SLC24A3: variants seen among roughly 807,000 people sequenced by gnomAD.
SLC24A3 encodes sodium/potassium/calcium exchanger 3.
SLC24A3 carries 28 observed loss-of-function variants against 75.8 expected under a neutral mutation model. The observed-to-expected ratio is 0.37, with a 90% CI of 0.27 to 0.51. The LOEUF is 0.51. SLC24A3 is among the 20% of genes least tolerant of loss of function. The pLI, the probability that SLC24A3 is intolerant of heterozygous loss-of-function variation, is 0.94. For missense variants in SLC24A3, 663 were observed against 847.8 expected (o/e 0.78, Z 2.71); for synonymous variants, 372 against 334.1 (o/e 1.11, Z -1.24).
chr20:19,539,497 C>A (rs764804093), intron 3 of SLC24A3, among the ~76,000 whole-genome samples: 3 of 152,164 alleles, frequency 2.0e-5, no homozygotes, highest in Admixed American at 1.3e-4. Flanking sequence ...AACATCTGCC[C>A]TCATAACACT....
chr20:19,322,935 G>C (rs1306574898), intron 2 of SLC24A3, among the ~76,000 whole-genome samples: 1 of 152,112 alleles, frequency 6.6e-6, no homozygotes, highest in Non-Finnish European at 1.5e-5. Flanking sequence ...GGCCGGGCGC[G>C]GTGGCTCACG....
intron 2 of SLC24A3, among the ~76,000 whole-genome samples, chr20:19,303,502 T>C (rs1984247943): frequency 6.6e-6 from 1 of 152,204 alleles, no homozygotes; most frequent in Non-Finnish European, 1.5e-5. Context: ...GGTAGAATGA[T>C]TTATGTTCCT....
At chr20:19,311,870 G>T (rs1178819020) in intron 2 of SLC24A3, among the ~76,000 whole-genome samples, 2 of 152,096 alleles carry the variant, frequency 1.3e-5, no homozygotes, top group East Asian at 3.9e-4. Flanking sequence ...TCTCCTGATG[G>T]GATCGAGGCC....
At chr20:19,565,892 T>C (rs528669968) in intron 3 of SLC24A3, among the ~76,000 whole-genome samples, 1 of 152,274 alleles carries the variant, frequency 6.6e-6, no homozygotes, top group African/African-American at 2.4e-5. Flanking sequence ...GCATCTTTCT[T>C]ATTTCCTCCA....
intron 3 of SLC24A3, among the ~76,000 whole-genome samples, chr20:19,533,806 T>C (rs1402656241): frequency 6.6e-6 from 1 of 152,186 alleles, no homozygotes; most frequent in African/African-American, 2.4e-5. Flanking sequence ...TATCTATATC[T>C]TGGAAAGATT....
At chr20:19,534,624 G>T (rs1267263965) in intron 3 of SLC24A3, among the ~76,000 whole-genome samples, 1 of 152,122 alleles carries the variant, frequency 6.6e-6, no homozygotes, top group Admixed American at 6.5e-5. Context: ...TGTTGGTCAG[G>T]CTGGTCTCAA....
intron 15 of SLC24A3, among the ~76,000 whole-genome samples, chr20:19,709,094 T>A (rs2032962021): frequency 6.6e-6 from 1 of 152,072 alleles, no homozygotes; most frequent in African/African-American, 2.4e-5. Flanking sequence ...CAGTGGGCAA[T>A]CAGGGCTGAC....
At position 19,722,080 on chromosome 20, in the gene SLC24A3, C is replaced by G. The variant is rs943380277; in HGVS notation, c.*940C>G. The G allele has an allele frequency of 6.5e-6, 1 of 152,732 alleles. No homozygotes were observed. The highest frequency in any genetic ancestry group is 1.5e-5 in the Non-Finnish European group (1 of 68,124). The allele number at this position is 152,732 out of a possible 1,614,324, so 9.5% of individuals were successfully genotyped here. Reference sequence around the variant, plus strand: ...AGGCAGTCAAAAACAGAAGCTTCCCCGACTTGTGAGTCCCTGAGATGTGCT... The same window carrying G: ...AGGCAGTCAAAAACAGAAGCTTCCCGGACTTGTGAGTCCCTGAGATGTGCT... On this transcript the variant is annotated 3_prime_UTR_variant, in exon 17 of 17. Transcript: ENST00000328041.
chr20:19,343,526 T>C (rs935208760), intron 2 of SLC24A3, among the ~76,000 whole-genome samples: 2 of 151,792 alleles, frequency 1.3e-5, no homozygotes, highest in African/African-American at 4.8e-5. Flanking sequence ...TTGCACCCAG[T>C]AGAAATGTAC....
At chr20:19,462,814 C>A (rs559740949) in intron 2 of SLC24A3, among the ~76,000 whole-genome samples, 1 of 152,284 alleles carries the variant, frequency 6.6e-6, no homozygotes, top group South Asian at 2.1e-4. Context: ...ACCATAGACC[C>A]CAGCCCTGCC....
intron 2 of SLC24A3, among the ~76,000 whole-genome samples, chr20:19,506,348 T>C: frequency 6.6e-6 from 1 of 152,246 alleles, no homozygotes; most frequent in South Asian, 2.1e-4. Flanking sequence ...ACAGAGATGC[T>C]TCTCATGACC....
In SLC24A3 at chr20:19,722,469, C is replaced by T. The variant is rs2033114234; in HGVS notation, c.*1329C>T. 1 of 152,800 alleles carries T rather than the reference C, an allele frequency of 6.5e-6. No individual in the cohort carries two copies. The highest frequency in any genetic ancestry group is 2.1e-4 in the South Asian group (1 of 4,830). The allele number at this position is 152,800 out of a possible 1,614,324, so 9.5% of individuals were successfully genotyped here. On this transcript the variant is annotated 3_prime_UTR_variant, in exon 17 of 17. Coordinates refer to ENST00000328041, the MANE Select transcript of SLC24A3 (RefSeq NM_020689.4). The stretch of plus-strand genomic sequence containing the variant: ...TTGTGAACGTTTTTGCCAATCACTG[C>T]TCAACAGCCCTGCTAGATTTTGTAT...
chr20:19,535,601 G>A (rs1020657466), intron 3 of SLC24A3, among the ~76,000 whole-genome samples: 5 of 152,226 alleles, frequency 3.3e-5, no homozygotes, highest in African/African-American at 1.2e-4. Context: ...TCAAGCCAAA[G>A]AGAAATTAGC....
intron 2 of SLC24A3, among the ~76,000 whole-genome samples, chr20:19,334,741 C>G (rs753660656): frequency 1.3e-5 from 2 of 152,176 alleles, no homozygotes; most frequent in African/African-American, 4.8e-5. Flanking sequence ...CTGTAGGACA[C>G]GCCTCAGAGC....
chr20:19,238,213 CAG>C (rs1337151399), intron 1 of SLC24A3, among the ~76,000 whole-genome samples: 1 of 152,200 alleles, frequency 6.6e-6, no homozygotes, highest in African/African-American at 2.4e-5. Context: ...CTTCTAACAG[CAG>C]AGAGCAGCTC....
At chr20:19,626,255 T>C (rs2031864714) in intron 6 of SLC24A3, among the ~76,000 whole-genome samples, 1 of 152,202 alleles carries the variant, frequency 6.6e-6, no homozygotes, top group African/African-American at 2.4e-5. Flanking sequence ...AATGCATTAT[T>C]ACTTCCATGT....
At chr20:19,454,641 A>G (rs1987548064) in intron 2 of SLC24A3, among the ~76,000 whole-genome samples, 1 of 152,228 alleles carries the variant, frequency 6.6e-6, no homozygotes, top group Admixed American at 6.5e-5. Flanking sequence ...ACTTCACTGA[A>G]GACATAAAAG....
Position 19,252,648 on chromosome 20 carries a change from G to GGC in SLC24A3, c.143-28310_143-28309insCG, listed in dbSNP as rs375036051. On this transcript the variant is annotated intron_variant, in intron 1 of 16. Coordinates refer to ENST00000328041, the MANE Select transcript of SLC24A3 (RefSeq NM_020689.4). ...AAAGCCTGAAATTGGAATGGCGGGG[G>GGC]GGGGTGCCTGTTCCAGAAACTCCTT... Among the ~76,000 whole-genome samples, 48 of 149,318 alleles carry GGC rather than the reference G, an allele frequency of 3.2e-4. 1 individual carries two copies. The East Asian group carries it at 9.1e-3, about 28-fold the overall frequency.
intron 2 of SLC24A3, among the ~76,000 whole-genome samples, chr20:19,314,152 T>C (rs1984524558): frequency 1.3e-5 from 2 of 152,292 alleles, no homozygotes; most frequent in South Asian, 2.1e-4. Flanking sequence ...GTCTGTGGTT[T>C]TGCTGTAAGG....
Sources: allele counts gnomAD v4.1 joint callset (sites outside exome capture counted in the v4.1 genomes callset), GRCh38; gene constraint gnomAD v4.1.1; transcripts MANE v1.5; gene names NCBI Gene and HGNC (gene_info 2026-07-23, HGNC 2026-07-21).